The following RNF150 variants were observed in gnomAD, a reference collection of about 807,000 sequenced individuals.
The protein encoded by RNF150 is ring finger protein 150.
RNF150 carries 24 observed loss-of-function variants against 39.3 expected under a neutral mutation model. That is an observed-to-expected ratio of 0.61 (90% CI 0.44 to 0.86). The LOEUF is 0.86. RNF150 is among the 40% of genes least tolerant of loss of function. The pLI, the probability that RNF150 is intolerant of heterozygous loss-of-function variation, is 0.00. For synonymous variants in RNF150, 255 were observed against 227.3 expected (o/e 1.12, Z -1.10); for missense variants, 502 against 587.8 (o/e 0.85, Z 1.51).
intron 1 of RNF150, among the ~76,000 whole-genome samples, chr4:141,010,653 C>G (rs544994559): frequency 4.6e-5 from 7 of 152,138 alleles, no homozygotes; most frequent in Non-Finnish European, 1.0e-4. Context: ...CAACCCTGAT[C>G]GTGAGGGACT....
At chr4:141,005,852 A>G (rs1215032058) in intron 1 of RNF150, among the ~76,000 whole-genome samples, 1 of 130,596 alleles carries the variant, frequency 7.7e-6, no homozygotes, top group African/African-American at 2.9e-5. Flanking sequence ...GCGGATCACG[A>G]GGTCAGGAGA....
intron 1 of RNF150, among the ~76,000 whole-genome samples, chr4:141,188,227 G>A (rs973004558): frequency 1.3e-5 from 2 of 152,220 alleles, no homozygotes; most frequent in Admixed American, 6.5e-5. Flanking sequence ...CTGTGAGTCT[G>A]ATGGGCTTCC....
intron 6 of RNF150, among the ~76,000 whole-genome samples, chr4:140,902,073 C>A (rs1730208698): frequency 6.6e-6 from 1 of 152,056 alleles, no homozygotes; most frequent in Admixed American, 6.6e-5. Context: ...CTGACAAAAA[C>A]AGATTTCTAT....
intron 1 of RNF150, among the ~76,000 whole-genome samples, chr4:141,192,255 CT>C (rs1219681512): frequency 1.3e-5 from 2 of 152,128 alleles, no homozygotes; most frequent in Non-Finnish European, 2.9e-5. Context: ...ATATCTTCTC[CT>C]CATTTCCAAT....
chr4:141,033,511 A>T (rs1471240099), intron 1 of RNF150, among the ~76,000 whole-genome samples: 1 of 152,182 alleles, frequency 6.6e-6, no homozygotes, highest in Non-Finnish European at 1.5e-5. Flanking sequence ...CCCCCCATGA[A>T]TCACAAATAT....
chr4:141,080,892 C>T (rs1489056264), intron 1 of RNF150, among the ~76,000 whole-genome samples: 1 of 152,160 alleles, frequency 6.6e-6, no homozygotes, highest in Non-Finnish European at 1.5e-5. Flanking sequence ...GGGGCTACCA[C>T]AAGGAAGGAA....
At chr4:140,886,767 G>A (rs558443600) in intron 6 of RNF150, among the ~76,000 whole-genome samples, 111 of 152,176 alleles carry the variant, frequency 7.3e-4, no homozygotes, top group Admixed American at 9.8e-4. Flanking sequence ...CTACAGGTGC[G>A]TACCACCACA....
At chr4:141,148,120 T>C (rs1348948921) in intron 1 of RNF150, among the ~76,000 whole-genome samples, 1 of 152,186 alleles carries the variant, frequency 6.6e-6, no homozygotes, top group Non-Finnish European at 1.5e-5. Context: ...AATACAACTT[T>C]GAGACTCTCT....
intron 1 of RNF150, among the ~76,000 whole-genome samples, chr4:141,160,406 A>G (rs1048472160): frequency 3.3e-5 from 5 of 152,240 alleles, no homozygotes; most frequent in Admixed American, 1.3e-4. Flanking sequence ...GTATATTTGT[A>G]TAAATCTAAA....
intron 1 of RNF150, among the ~76,000 whole-genome samples, chr4:141,035,836 T>A (rs906878879): frequency 1.3e-5 from 2 of 152,198 alleles, no homozygotes; most frequent in Non-Finnish European, 2.9e-5. Flanking sequence ...TAATATTGGT[T>A]ACTATGTAAA....
chr4:141,003,106 T>C (rs763130604), intron 1 of RNF150, among the ~76,000 whole-genome samples: 1 of 152,070 alleles, frequency 6.6e-6, no homozygotes, highest in Non-Finnish European at 1.5e-5. Flanking sequence ...AGATATTTCT[T>C]GAGTCAACAA....
chr4:140,933,406 T>C (rs551532443), intron 4 of RNF150, among the ~76,000 whole-genome samples: 4 of 152,250 alleles, frequency 2.6e-5, no homozygotes, highest in Non-Finnish European at 4.4e-5. Context: ...ATCTGGAAAA[T>C]TTTGAGTGCC....
chr4:141,162,930 G>C (rs1727540018), intron 1 of RNF150, among the ~76,000 whole-genome samples: 2 of 152,178 alleles, frequency 1.3e-5, no homozygotes, highest in African/African-American at 4.8e-5. Context: ...TACCCTAGTG[G>C]CATCTGGAAT....
intron 1 of RNF150, among the ~76,000 whole-genome samples, chr4:141,186,485 G>A (rs551278726): frequency 4.8e-4 from 73 of 152,054 alleles, no homozygotes; most frequent in African/African-American, 1.5e-3. Context: ...TGCAAGCTCC[G>A]CCTCCCGGGT....
chr4:141,034,562 C>T lies in RNF150; in HGVS notation c.485-66689G>A, dbSNP rs190541752. On this transcript the variant is annotated intron_variant, in intron 1 of 6. Coordinates refer to ENST00000515673, the MANE Select transcript of RNF150 (RefSeq NM_020724.2). Reference sequence around the variant, plus strand: ...AAGAGGCCTAGTTTTCAGCCCATTTCGGCTTTTGACTACACTAAGCTTAAT... The same window carrying T: ...AAGAGGCCTAGTTTTCAGCCCATTTTGGCTTTTGACTACACTAAGCTTAAT... Among the ~76,000 whole-genome samples, 31 of 152,252 alleles carry T rather than the reference C, an allele frequency of 2.0e-4. No individual in the cohort carries two copies. In the East Asian group the frequency reaches 4.4e-3, roughly 22 times the overall value.
In RNF150 at chr4:141,132,778, T is replaced by C. The variant is rs779067223; in HGVS notation, c.31A>G (p.Ser11Gly). The C allele has an allele frequency of 6.2e-7, 1 of 1,609,792 alleles. No individual in the cohort carries two copies. Among genetic ancestry groups the C allele is most frequent in the Non-Finnish European group, 8.5e-7 (1 of 1,178,224 alleles). MAMSLIQACC[S>G]LALSTWLLSF... ...AGCAGCCATGTTGAGAGAGCCAGAC[T>C]GCAGCACGCTTGGATGAGAGACATT... Residue 11 changes from serine to glycine, a missense_variant, in exon 1 of 7, where the codon AGT (serine) becomes GGT (glycine). Transcript: ENST00000515673. The surrounding 1 kb of genome is among the most constrained non-coding windows in gnomAD (Gnocchi z 4.9).
intron 1 of RNF150, among the ~76,000 whole-genome samples, chr4:140,994,268 A>G (rs1400446099): frequency 6.6e-6 from 1 of 152,244 alleles, no homozygotes; most frequent in Non-Finnish European, 1.5e-5. Context: ...AGAAAGCTGC[A>G]GCCAGATCTC....
chr4:140,904,545 C>T (rs1730307425), intron 6 of RNF150, among the ~76,000 whole-genome samples: 1 of 152,238 alleles, frequency 6.6e-6, no homozygotes. Flanking sequence ...TGGCTACTCA[C>T]TCTTGCAACT....
chr4:141,077,892 C>T (rs1737956648), intron 1 of RNF150, among the ~76,000 whole-genome samples: 1 of 152,210 alleles, frequency 6.6e-6, no homozygotes, highest in Non-Finnish European at 1.5e-5. Context: ...TGCTTTTCTG[C>T]CCATTATGGT....
Sources: allele counts gnomAD v4.1 joint callset (sites outside exome capture counted in the v4.1 genomes callset), GRCh38; gene constraint gnomAD v4.1.1; non-coding constraint Gnocchi (gnomAD v3.1); transcripts MANE v1.5; gene names NCBI Gene and HGNC (gene_info 2026-07-23, HGNC 2026-07-21).